SORCS3: variants seen among roughly 807,000 people sequenced by gnomAD.
The protein encoded by SORCS3 is VPS10 domain-containing receptor SorCS3.
SORCS3 carries 57 observed loss-of-function variants against 146.3 expected under a neutral mutation model. The observed-to-expected ratio is 0.39, with a 90% CI of 0.31 to 0.49. The LOEUF is 0.49. Ranked by LOEUF, SORCS3 falls within the 20% of genes least tolerant of loss-of-function variation. SORCS3 has a pLI of 0.92. For missense variants in SORCS3, 1,341 were observed against 1,575.5 expected (o/e 0.85, Z 2.52); for synonymous variants, 653 against 618.5 (o/e 1.06, Z -0.83).
chr10:104,987,260 G>A (rs956261519), intron 4 of SORCS3, among the ~76,000 whole-genome samples: 8 of 152,094 alleles, frequency 5.3e-5, no homozygotes, highest in African/African-American at 1.4e-4. Context: ...TTAAAGAATG[G>A]AAGGAAATAT....
At chr10:105,014,098 C>CAT (rs200358301) in intron 4 of SORCS3, among the ~76,000 whole-genome samples, 26,025 of 135,916 alleles carry the variant, frequency 0.19, 2,366 homozygotes, top group South Asian at 0.28. Context: ...CATATATATA[C>CAT]ATATATATAT....
chr10:104,867,379 G>C lies in SORCS3; in HGVS notation c.695+24520G>C, dbSNP rs991425217. ...GGCTGGAGTGCAGTGGCGAGATCTC[G>C]GCTCATTGCAAGCTCCGCCTCCTGG... On this transcript the variant is annotated intron_variant, in intron 2 of 26. Coordinates refer to ENST00000369701, the MANE Select transcript of SORCS3 (RefSeq NM_014978.3). Among the ~76,000 whole-genome samples, 4 of 150,856 alleles carry C rather than the reference G, an allele frequency of 2.7e-5. No individual in the cohort carries two copies. In the East Asian group the frequency reaches 7.8e-4, roughly 30 times the overall value.
At chr10:105,142,424 G>A (rs758795128) in intron 8 of SORCS3, among the ~76,000 whole-genome samples, 3 of 152,112 alleles carry the variant, frequency 2.0e-5, no homozygotes, top group Non-Finnish European at 2.9e-5. Flanking sequence ...TTTCTCATAC[G>A]TGATTTGCTA....
chr10:105,197,358 AT>A (rs1258815641), intron 14 of SORCS3, among the ~76,000 whole-genome samples: 1 of 152,198 alleles, frequency 6.6e-6, no homozygotes, highest in Non-Finnish European at 1.5e-5. Context: ...ATGAGTACTT[AT>A]GTGCCATTAA....
chr10:105,250,602 A>G (rs2056893032), intron 22 of SORCS3, among the ~76,000 whole-genome samples: 1 of 152,110 alleles, frequency 6.6e-6, no homozygotes, highest in Non-Finnish European at 1.5e-5. Context: ...CAAGGCACTA[A>G]TAAGCTCACC....
At chr10:105,067,256 G>A (rs7073915) in intron 5 of SORCS3, among the ~76,000 whole-genome samples, 25,835 of 152,224 alleles carry the variant, frequency 0.17, 2,364 homozygotes, top group Middle Eastern at 0.21. Context: ...GCCAGGCATG[G>A]TGGCTCAAGC....
At chr10:104,729,209 T>C (rs1199019523) in intron 1 of SORCS3, among the ~76,000 whole-genome samples, 5 of 152,198 alleles carry the variant, frequency 3.3e-5, no homozygotes, top group African/African-American at 1.2e-4. Flanking sequence ...GAAGCACATG[T>C]TGTTCAGCTA....
At chr10:104,784,301 C>T (rs1873303) in intron 1 of SORCS3, among the ~76,000 whole-genome samples, 1 of 152,082 alleles carries the variant, frequency 6.6e-6, no homozygotes, top group African/African-American at 2.4e-5. Context: ...CTCCTGGTAT[C>T]TAGTGAGTAG....
intron 3 of SORCS3, among the ~76,000 whole-genome samples, chr10:104,939,074 G>A (rs1033623423): frequency 1.3e-5 from 2 of 152,212 alleles, no homozygotes; most frequent in Non-Finnish European, 2.9e-5. Flanking sequence ...TCCTGTCACT[G>A]CTATAGGATT....
intron 19 of SORCS3, among the ~76,000 whole-genome samples, chr10:105,218,795 T>C (rs1466953034): frequency 6.6e-6 from 1 of 152,216 alleles, no homozygotes; most frequent in Non-Finnish European, 1.5e-5. Flanking sequence ...GGCAGGCAGA[T>C]CACAGGCTCA....
intron 6 of SORCS3, among the ~76,000 whole-genome samples, chr10:105,102,449 G>A (rs1401454624): frequency 6.6e-6 from 1 of 152,118 alleles, no homozygotes; most frequent in African/African-American, 2.4e-5. Flanking sequence ...AATACCACAT[G>A]TTCTCATTTA....
intron 2 of SORCS3, among the ~76,000 whole-genome samples, chr10:104,875,697 C>T (rs149213684): frequency 8.5e-5 from 13 of 152,186 alleles, no homozygotes; most frequent in South Asian, 2.1e-4. Flanking sequence ...TAGTTATTGC[C>T]GCTGGCCTGC....
chr10:105,169,886 A>T (rs557851825), intron 13 of SORCS3, among the ~76,000 whole-genome samples: 29 of 152,258 alleles, frequency 1.9e-4, no homozygotes, highest in African/African-American at 6.3e-4. Flanking sequence ...GAGTTGATAA[A>T]TGTCCTACAG....
intron 1 of SORCS3, among the ~76,000 whole-genome samples, chr10:104,788,872 C>T (rs1348898836): frequency 6.6e-6 from 1 of 152,154 alleles, no homozygotes; most frequent in African/African-American, 2.4e-5. Flanking sequence ...GTTTTACCTT[C>T]ATTTATGGGG....
In SORCS3 at chr10:105,164,507, A is replaced by G. The variant is rs996537023; in HGVS notation, c.1809+128A>G. ...TTCAAAACATTTGAAGCAGCTGTTC[A>G]GTTTGGTCAATTTGGCTGGCAGGTT... is the stretch of plus-strand genomic sequence containing the variant. On this transcript the variant is annotated intron_variant, in intron 12 of 26. Transcript: ENST00000369701. 5.3e-6 allele frequency: 4 copies of G among 752,878 alleles called. No individual in the cohort carries two copies. In the African/African-American group the frequency reaches 6.9e-5, roughly 13 times the overall value. 46.6% of individuals were successfully genotyped at this position (752,878 alleles called of 1,614,324 possible).
At chr10:104,858,249 T>C (rs2018356470) in intron 2 of SORCS3, among the ~76,000 whole-genome samples, 1 of 152,250 alleles carries the variant, frequency 6.6e-6, no homozygotes. Flanking sequence ...TGTTTTGGCA[T>C]ATGCATACTT....
intron 3 of SORCS3, among the ~76,000 whole-genome samples, chr10:104,916,701 G>GAC (rs1251595520): frequency 2.0e-5 from 3 of 152,046 alleles, no homozygotes; most frequent in African/African-American, 7.2e-5. Context: ...AACGTAGGCA[G>GAC]ACATGATTCA....
At position 105,046,963 on chromosome 10, in the gene SORCS3, C is replaced by T. The variant is rs368985432; in HGVS notation, c.1028+3835C>T. On this transcript the variant is annotated intron_variant, in intron 5 of 26. Transcript: ENST00000369701. ...AGATAAATGGAGTAAGTGTCCTTAA[C>T]ATATTCCCTTCATTCTTCCTAGGCT... 5.3e-4 allele frequency among the ~76,000 whole-genome samples: 80 copies of T among 152,180 alleles called. No homozygotes were observed. The South Asian group carries it at 0.016, about 31-fold the overall frequency.
intron 14 of SORCS3, among the ~76,000 whole-genome samples, 167 bp from the exon 15 acceptor site, chr10:105,199,832 A>T (rs2056563993): frequency 6.6e-6 from 1 of 152,172 alleles, no homozygotes; most frequent in African/African-American, 2.4e-5. Flanking sequence ...ATTGAATTGT[A>T]TGGATAGTGG....
Sources: gnomAD v4.1 joint callset for allele counts (sites outside exome capture counted in the v4.1 genomes callset) on GRCh38, gnomAD v4.1.1 for gene constraint, MANE v1.5 for transcripts, NCBI Gene and HGNC (gene_info 2026-07-23, HGNC 2026-07-21) for gene names.